CREB5: variants seen among roughly 807,000 people sequenced by gnomAD.
CREB5 encodes cAMP responsive element binding protein 5.
In CREB5, 19 loss-of-function variants were observed where a neutral mutation model predicts 57.1. The ratio of observed to expected loss-of-function variants is 0.33; its 90% confidence interval spans 0.23 to 0.49. The LOEUF (loss-of-function observed/expected upper bound fraction) is 0.49. Among genes scored for constraint, CREB5 ranks in the 20% least tolerant of loss-of-function variants. The pLI is 0.99. For missense variants in CREB5, 579 were observed against 671.6 expected (o/e 0.86, Z 1.52); for synonymous variants, 238 against 238.3 (o/e 1.00, Z 0.01).
At chr7:28,401,363 AG>A (rs1317766919) in intron 1 of CREB5, among the ~76,000 whole-genome samples, 34 of 152,090 alleles carry the variant, frequency 2.2e-4, no homozygotes, top group Admixed American at 9.8e-4. Context: ...AGCTTAAACC[AG>A]GTGATCTAGC....
intron 7 of CREB5, among the ~76,000 whole-genome samples, chr7:28,757,671 CA>C (rs1008457413): frequency 0.019 from 1,829 of 97,098 alleles, 11 homozygotes; most frequent in African/African-American, 0.034. Context: ...GACTCCGTCT[CA>C]AAAAAAAAAA....
At chr7:28,399,044 T>C (rs1787393176) in intron 1 of CREB5, among the ~76,000 whole-genome samples, 1 of 152,162 alleles carries the variant, frequency 6.6e-6, no homozygotes, top group African/African-American at 2.4e-5. Flanking sequence ...TCTGATGTTC[T>C]ATTATACATA....
intron 5 of CREB5, among the ~76,000 whole-genome samples, chr7:28,636,128 A>G (rs956671414): frequency 1.3e-5 from 2 of 152,082 alleles, no homozygotes; most frequent in African/African-American, 4.8e-5. Context: ...ATATTTTCAT[A>G]TTCTTTTCTA....
chr7:28,524,827 T>G (rs1011265051), intron 4 of CREB5, among the ~76,000 whole-genome samples: 1 of 152,240 alleles, frequency 6.6e-6, no homozygotes, highest in African/African-American at 2.4e-5. Context: ...ACCATTTCTT[T>G]GGAGAACATT....
intron 5 of CREB5, among the ~76,000 whole-genome samples, chr7:28,703,597 G>T (rs1035347059): frequency 5.3e-5 from 8 of 152,114 alleles, no homozygotes; most frequent in Non-Finnish European, 7.4e-5. Flanking sequence ...GATTCTGAAG[G>T]CCTGAGAACC....
intron 1 of CREB5, among the ~76,000 whole-genome samples, chr7:28,342,659 C>G (rs4719933): frequency 0.76 from 115,382 of 152,172 alleles, 43,855 homozygotes; most frequent in Non-Finnish European, 0.77. Context: ...CACTCCATCT[C>G]TATTTACAAC....
At chr7:28,359,207 T>A in intron 1 of CREB5, among the ~76,000 whole-genome samples, 1 of 132,418 alleles carries the variant, frequency 7.6e-6, no homozygotes, top group Non-Finnish European at 1.6e-5. Flanking sequence ...AAAAAGCGAA[T>A]ACACACACAA....
At chr7:28,407,051 T>C (rs1200748964) in intron 1 of CREB5, among the ~76,000 whole-genome samples, 2 of 150,240 alleles carry the variant, frequency 1.3e-5, no homozygotes, top group African/African-American at 4.9e-5. Context: ...TTTTCTTTTT[T>C]CCTTTTATTT....
At chr7:28,810,504 C>T (rs1482151947) in intron 9 of CREB5, among the ~76,000 whole-genome samples, 2 of 151,958 alleles carry the variant, frequency 1.3e-5, no homozygotes, top group African/African-American at 2.4e-5. Flanking sequence ...ACCAGCCTGG[C>T]CAAGGTGCAG....
At chr7:28,590,249 T>G (rs953904935) in intron 5 of CREB5, among the ~76,000 whole-genome samples, 1 of 152,022 alleles carries the variant, frequency 6.6e-6, no homozygotes, top group African/African-American at 2.4e-5. Flanking sequence ...TGCAGCACTA[T>G]TCACAACAGC....
At chr7:28,701,292 G>T (rs1216190231) in intron 5 of CREB5, among the ~76,000 whole-genome samples, 1 of 152,168 alleles carries the variant, frequency 6.6e-6, no homozygotes, top group Non-Finnish European at 1.5e-5. Flanking sequence ...CTGAACCAGT[G>T]ATTCTAATGA....
intron 1 of CREB5, among the ~76,000 whole-genome samples, chr7:28,370,209 T>C (rs779735553): frequency 6.6e-6 from 1 of 152,212 alleles, no homozygotes; most frequent in Non-Finnish European, 1.5e-5. Context: ...GGCCTTTCTA[T>C]CTGTAAGGCC....
chr7:28,325,955 T>C (rs561792420), intron 1 of CREB5, among the ~76,000 whole-genome samples: 51 of 152,346 alleles, frequency 3.3e-4, no homozygotes, highest in Non-Finnish European at 6.6e-4. Context: ...CTTTGAGTAC[T>C]TTATTATATT....
At chr7:28,343,980 T>G (rs1057392744) in intron 1 of CREB5, among the ~76,000 whole-genome samples, 1 of 152,200 alleles carries the variant, frequency 6.6e-6, no homozygotes, top group African/African-American at 2.4e-5. Flanking sequence ...TTCATATACC[T>G]GTTGGTCATT....
intron 7 of CREB5, 65 bp downstream of exon 7, chr7:28,724,397 C>A (rs760075850): frequency 7.2e-7 from 1 of 1,384,596 alleles, no homozygotes; most frequent in East Asian, 2.3e-5. Context: ...TTTACTCTGA[C>A]TCCAAAACCT....
At position 28,822,183 on chromosome 7, in the gene CREB5, T is replaced by C. The variant is rs1316432195; in HGVS notation, c.*2904T>C. ...ATTAGAATAAACTGTCTTCTTGTTC[T>C]ACTCAGGGCCTTTAGGTGTGTTCAT... On this transcript the variant is annotated 3_prime_UTR_variant, in exon 11 of 11. Coordinates refer to ENST00000357727, the MANE Select transcript of CREB5 (RefSeq NM_182898.4). 1.3e-5 allele frequency: 2 copies of C among 152,238 alleles called. No homozygotes were observed. The highest frequency in any genetic ancestry group is 2.9e-5 in the Non-Finnish European group (2 of 68,028). 9.4% of individuals were successfully genotyped at this position (152,238 alleles called of 1,614,324 possible).
At chr7:28,680,139 T>A (rs777270962) in intron 5 of CREB5, among the ~76,000 whole-genome samples, 13 of 152,206 alleles carry the variant, frequency 8.5e-5, no homozygotes, top group Non-Finnish European at 1.8e-4. Flanking sequence ...TGAGAGTGAG[T>A]ACCTCCTTAA....
At chr7:28,505,133 G>A (rs932463475) in intron 3 of CREB5, among the ~76,000 whole-genome samples, 4 of 152,256 alleles carry the variant, frequency 2.6e-5, no homozygotes, top group African/African-American at 4.8e-5. Context: ...AATATGGTTG[G>A]TGTAAAAACT....
chr7:28,510,125 T>C (rs946536490), intron 4 of CREB5, among the ~76,000 whole-genome samples: 1 of 152,200 alleles, frequency 6.6e-6, no homozygotes, highest in East Asian at 1.9e-4. Flanking sequence ...GTAGGAATAA[T>C]GCTCCCCCGC....
Sources: gnomAD v4.1 joint callset for allele counts (sites outside exome capture counted in the v4.1 genomes callset) on GRCh38, gnomAD v4.1.1 for gene constraint, MANE v1.5 for transcripts, NCBI Gene and HGNC (gene_info 2026-07-23, HGNC 2026-07-21) for gene names.